NBPF8: variants seen among roughly 807,000 people sequenced by gnomAD.
NBPF8 encodes the protein NBPF family member NBPF8.
intron 17 of NBPF8, 100 bp from the exon 16 acceptor site, chr1:120,460,473 A>G (rs1329879048): frequency 2.4e-6 from 2 of 820,314 alleles, no homozygotes; most frequent in East Asian, 2.4e-5. Flanking sequence ...TCTCACATTG[A>G]CAAGACTGAT....
chr1:120,465,031 G>C (rs1246313027), intron 23 of NBPF8, among the ~76,000 whole-genome samples: 2 of 59,690 alleles, frequency 3.4e-5, no homozygotes, highest in Admixed American at 3.3e-4. Flanking sequence ...TGGGACAAAT[G>C]ATATTGGGAT....
chr1:120,425,450 A>G (rs2101505022), intron 1 of NBPF8, among the ~76,000 whole-genome samples: 1 of 152,162 alleles, frequency 6.6e-6, no homozygotes, highest in African/African-American at 2.4e-5. Context: ...TGATGCAGAG[A>G]CATTTGTTAA....
At chr1:120,419,344 G>A (rs1320120543), upstream of NBPF8, among the ~76,000 whole-genome samples, 1 of 152,238 alleles carries the variant, frequency 6.6e-6, no homozygotes, top group Non-Finnish European at 1.5e-5. Flanking sequence ...TAGACCAGTA[G>A]ATGAGATTCC....
chr1:120,455,428 G>A (rs4124929), exon 16 of NBPF8: 1 of 592,872 alleles, frequency 1.7e-6, no homozygotes, highest in Non-Finnish European at 3.0e-6. Flanking sequence ...GTGATGATGA[G>A]GAAGAGGAAG....
exon 25 of NBPF8, chr1:120,466,311 A>G: frequency 1.3e-6 from 2 of 1,547,226 alleles, no homozygotes; most frequent in African/African-American, 1.4e-5. Flanking sequence ...TCCATTTGGA[A>G]GCCCAGACAT....
chr1:120,466,347 A>C (rs1553250839), exon 25 of NBPF8: 8 of 1,376,498 alleles, frequency 5.8e-6, no homozygotes, highest in Non-Finnish European at 6.9e-6. Flanking sequence ...GCATGGCTCT[A>C]TTCCTATTCT....
At chr1:120,450,171 G>A (rs1272341895) in intron 11 of NBPF8, among the ~76,000 whole-genome samples, 2 of 152,134 alleles carry the variant, frequency 1.3e-5, no homozygotes, top group African/African-American at 4.8e-5. Flanking sequence ...AGGTTGCAGT[G>A]AGCCAAGGTT....
intron 17 of NBPF8, among the ~76,000 whole-genome samples, chr1:120,460,365 T>A (rs1284869775): frequency 9.9e-5 from 15 of 151,898 alleles, no homozygotes; most frequent in African/African-American, 3.6e-4. Flanking sequence ...ACATTCCAAC[T>A]CAGGGGAATT....
chr1:120,460,444 T>G, intron 17 of NBPF8, 129 bp from the exon 16 acceptor site: 1 of 772,500 alleles, frequency 1.3e-6, no homozygotes, highest in Non-Finnish European at 2.3e-6. Flanking sequence ...ACTGGAATAT[T>G]TCTCTCAAAG....
intron 1 of NBPF8, among the ~76,000 whole-genome samples, chr1:120,423,165 G>T (rs1164778952): frequency 1.5e-5 from 2 of 136,026 alleles, no homozygotes; most frequent in African/African-American, 6.5e-5. Flanking sequence ...TTAGTAGATT[G>T]TGCTTTTGGT....
upstream of NBPF8, among the ~76,000 whole-genome samples, chr1:120,415,242 C>A (rs1553244925): frequency 8.1e-3 from 1,234 of 152,266 alleles, 13 homozygotes; most frequent in Non-Finnish European, 9.0e-3. Context: ...TGGGAAGTTA[C>A]GGTTTACAGC....
At chr1:120,464,401 G>A (rs1257074221) in exon 23 of NBPF8, 3 of 747,242 alleles carry the variant, frequency 4.0e-6, no homozygotes, top group East Asian at 2.5e-5. Flanking sequence ...GCTGGAGGTA[G>A]TAGAGCCTGA....
intron 15 of NBPF8, among the ~76,000 whole-genome samples, chr1:120,454,702 G>GTTTTTTTT (rs1570940919): frequency 4.6e-5 from 1 of 21,762 alleles, no homozygotes; most frequent in Non-Finnish European, 8.0e-5. Context: ...TAGCATCGTG[G>GTTTTTTTT]ATTTTTTTTT....
At chr1:120,454,415 A>T (rs1224752535) in intron 15 of NBPF8, among the ~76,000 whole-genome samples, 6 of 151,698 alleles carry the variant, frequency 4.0e-5, no homozygotes, top group Non-Finnish European at 5.9e-5. Flanking sequence ...GTCATCTGTG[A>T]TTAAGTCATC....
At chr1:120,466,372 G>T in exon 25 of NBPF8, 1 of 1,171,852 alleles carries the variant, frequency 8.5e-7, no homozygotes, top group Non-Finnish European at 1.2e-6. Context: ...GCATGCCAGT[G>T]GCAACCTGTG....
intron 3 of NBPF8, among the ~76,000 whole-genome samples, chr1:120,428,212 T>C (rs1298694844): frequency 3.9e-5 from 6 of 152,158 alleles, no homozygotes; most frequent in African/African-American, 1.2e-4. Context: ...CAGATGGTCA[T>C]AGAATTGGTT....
chr1:120,450,924 C>T (rs1174666328), intron 11 of NBPF8, among the ~76,000 whole-genome samples: 2 of 151,970 alleles, frequency 1.3e-5, no homozygotes, highest in South Asian at 2.1e-4. Context: ...ATTCTGACTC[C>T]ACTTCGTTGT....
At chr1:120,435,065 A>G (rs1273793209), upstream of NBPF8, among the ~76,000 whole-genome samples, 3 of 96,752 alleles carry the variant, frequency 3.1e-5, no homozygotes, top group East Asian at 2.0e-4. Flanking sequence ...ACAGCCCAGT[A>G]TATCAATGAA....
intron 22 of NBPF8, among the ~76,000 whole-genome samples, chr1:120,464,133 C>CTGTGTGTGTG (rs1169651864): frequency 7.7e-5 from 3 of 38,968 alleles, no homozygotes; most frequent in African/African-American, 2.8e-4. Flanking sequence ...CTCTCTCTCT[C>CTGTGTGTGTG]TGTGTGTGTG....
Sources: allele counts gnomAD v4.1 joint callset (sites outside exome capture counted in the v4.1 genomes callset), GRCh38; gene constraint gnomAD v4.1.1; transcripts MANE v1.5; gene names NCBI Gene and HGNC (gene_info 2026-07-23, HGNC 2026-07-21).